Variants in SHF observed in about 807,000 individuals in gnomAD.
SHF encodes Src homology 2 domain containing F.
A neutral mutation model predicts 42.4 loss-of-function variants in SHF; 30 were observed. The ratio of observed to expected loss-of-function variants is 0.71; its 90% CI spans 0.53 to 0.96. SHF has a LOEUF of 0.96. Among genes scored for constraint, SHF ranks in the 40% least tolerant of loss-of-function variants. SHF has a pLI of 0.00. For missense variants in SHF, 598 were observed against 634.0 expected, an observed-to-expected ratio of 0.94 and a Z score of 0.61; for synonymous variants, 264 against 269.9, an observed-to-expected ratio of 0.98 and a Z score of 0.21.
intron 3 of SHF, among the ~76,000 whole-genome samples, chr15:45,174,778 C>G (rs1210150326): frequency 6.6e-6 from 1 of 152,126 alleles, no homozygotes; most frequent in South Asian, 2.1e-4. Context: ...ACCCCTGGTC[C>G]GCCAGGGCCT....
At chr15:45,178,026 C>G in intron 2 of SHF, 139 bp downstream of exon 2, 2 of 1,179,112 alleles carry the variant, frequency 1.7e-6, no homozygotes, top group Non-Finnish European at 2.3e-6. Flanking sequence ...AGGCAATGAC[C>G]ATCCTCCCTA....
intron 3 of SHF, among the ~76,000 whole-genome samples, 188 bp downstream of exon 3, chr15:45,175,031 T>G (rs1897723672): frequency 6.6e-6 from 1 of 152,148 alleles, no homozygotes; most frequent in Non-Finnish European, 1.5e-5. Context: ...TACCCATTCC[T>G]TGACCCTGCA....
rs1322283992 is a variant in SHF, at chr15:45,187,806, T to C, written c.146A>G (p.Lys49Arg). The C allele has an allele frequency of 8.1e-6, 7 of 867,204 alleles. No homozygotes were observed. The East Asian group carries it at 1.5e-4, about 19-fold the overall frequency. 53.7% of individuals were successfully genotyped at this position (867,204 alleles called of 1,614,324 possible). ...GAAGCCCAGGTGCTCCCGGAGCCAC[T>C]TGGCTACTCCGCCGCTGCCGCCCCC... ...PGGGGSGGVA[K>R]WLREHLGFRG... The change falls in exon 1 of 7, where the codon AAG becomes AGG. Residue 49 changes from lysine to arginine, a missense_variant. Coordinates refer to ENST00000690270, the MANE Select transcript of SHF (RefSeq NM_001394037.1).
intron 2 of SHF, among the ~76,000 whole-genome samples, chr15:45,197,869 T>A (rs1898915624): frequency 1.3e-5 from 2 of 151,726 alleles, no homozygotes; most frequent in Non-Finnish European, 2.9e-5. Context: ...CGAGGGCATG[T>A]TTGCGTTTTA....
At chr15:45,199,953 C>CAAAAA (rs56982094) in intron 1 of SHF, 4 of 59,520 alleles carry the variant, frequency 6.7e-5, no homozygotes, top group East Asian at 1.5e-3. Context: ...GGCTCCATCT[C>CAAAAA]AAAAAAAAAA....
At chr15:45,173,780 T>C in intron 3 of SHF, 64 bp from the exon 4 acceptor site, 3 of 1,520,430 alleles carry the variant, frequency 2.0e-6, no homozygotes, top group South Asian at 1.2e-5. Flanking sequence ...GAGGTAGAGG[T>C]TGAGACACCA....
upstream of SHF, among the ~76,000 whole-genome samples, chr15:45,189,344 T>TC (rs1898634691): frequency 6.7e-6 from 1 of 148,788 alleles, no homozygotes. Flanking sequence ...CCACCCCCTT[T>TC]CCCCCACTGC....
chr15:45,198,614 C>G (rs1198671134), intron 2 of SHF: 14 of 861,370 alleles, frequency 1.6e-5, no homozygotes, highest in Admixed American at 3.0e-5. Context: ...AATGCCGTGA[C>G]TCGGATTCGA....
chr15:45,168,202 A>C, intron 6 of SHF, 69 bp from the exon 7 acceptor site: 1 of 1,386,694 alleles, frequency 7.2e-7, no homozygotes, highest in South Asian at 1.6e-5. Flanking sequence ...CCACCCAGTA[A>C]CCCTCCCCAA....
chr15:45,167,766 C>A lies in SHF; in HGVS notation c.*181G>T. On this transcript the variant is annotated 3_prime_UTR_variant, in exon 7 of 7. Coordinates refer to ENST00000690270, the MANE Select transcript of SHF (RefSeq NM_001394037.1). ...CCTCTTTCCCCAGCTCCAGACAACC[C>A]CTTACTCCAAGGCCCCAGGAGCCCT... is the stretch of plus-strand genomic sequence containing the variant. 1 of 496,352 alleles carries A rather than the reference C, an allele frequency of 2.0e-6. No individual in the cohort carries two copies. The highest frequency in any genetic ancestry group is 3.3e-6 in the Non-Finnish European group (1 of 302,508). The allele number at this position is 496,352 out of a possible 1,614,324, so 30.7% of individuals were successfully genotyped here.
chr15:45,192,517 G>A (rs1463848191), upstream of SHF, among the ~76,000 whole-genome samples: 2 of 151,786 alleles, frequency 1.3e-5, no homozygotes, highest in Non-Finnish European at 2.9e-5. Flanking sequence ...ACAGGCACCC[G>A]CCACCATGCC....
intron 1 of SHF, among the ~76,000 whole-genome samples, chr15:45,179,455 A>C (rs1898004175): frequency 7.1e-6 from 1 of 141,200 alleles, no homozygotes; most frequent in African/African-American, 2.7e-5. Flanking sequence ...TTGGCCCTTC[A>C]CTTCCTACGC....
At chr15:45,198,651 G>A in intron 2 of SHF, 1 of 1,282,730 alleles carries the variant, frequency 7.8e-7, no homozygotes, top group Non-Finnish European at 1.1e-6. Context: ...CCACAACGCA[G>A]AGTACTAACC....
intron 2 of SHF, among the ~76,000 whole-genome samples, chr15:45,175,968 G>A (rs560812137): frequency 3.3e-5 from 5 of 151,852 alleles, no homozygotes; most frequent in Admixed American, 2.0e-4. Flanking sequence ...ACAGACATCC[G>A]CCATCATGCC....
chr15:45,194,601 C>A (rs1254593971), intron 2 of SHF, among the ~76,000 whole-genome samples: 2 of 152,140 alleles, frequency 1.3e-5, no homozygotes, highest in African/African-American at 2.4e-5. Context: ...ATTCACCCAC[C>A]TCAGCCTCCC....
intron 3 of SHF, among the ~76,000 whole-genome samples, chr15:45,174,700 T>G (rs557835559): frequency 2.0e-5 from 3 of 152,254 alleles, no homozygotes; most frequent in Non-Finnish European, 4.4e-5. Flanking sequence ...AAACCTGATC[T>G]TCATTTGGCA....
intron 6 of SHF, among the ~76,000 whole-genome samples, chr15:45,169,534 G>A (rs922277517): frequency 1.3e-5 from 2 of 152,200 alleles, no homozygotes; most frequent in Non-Finnish European, 2.9e-5. Context: ...TGTGGGTGGT[G>A]GAGAGGGGAG....
At position 45,187,766 on chromosome 15, in the gene SHF, GCCGC is replaced by G; in HGVS notation, c.182_185del (p.Gly61AlafsTer106). On this transcript the variant is annotated frameshift_variant, in exon 1 of 7. Transcript: ENST00000690270. LOFTEE classifies it high-confidence loss of function. Reference sequence around the variant, plus strand: ...GCGCCGGCTTGCTGCCCCCTCCGCCGCCGCCCCCCCCGCGGAAGCCCAGGTGCTC... The same window carrying G: ...GCGCCGGCTTGCTGCCCCCTCCGCCGCCCCCCCGCGGAAGCCCAGGTGCTC... 1 of 933,812 alleles carries G rather than the reference GCCGC, an allele frequency of 1.1e-6. No individual in the cohort carries two copies. The highest frequency in any genetic ancestry group is 1.4e-6 in the Non-Finnish European group (1 of 724,756). The allele number at this position is 933,812 out of a possible 1,614,324, so 57.8% of individuals were successfully genotyped here. A position where few individuals can be genotyped will look rare whatever the true frequency, so the allele number is the denominator to read the frequency against.
At chr15:45,184,020 A>G (rs183463173) in intron 1 of SHF, among the ~76,000 whole-genome samples, 9 of 152,346 alleles carry the variant, frequency 5.9e-5, no homozygotes, top group Admixed American at 4.6e-4. Flanking sequence ...CATCTGCAAC[A>G]TAAGCAGACT....
Sources: allele counts gnomAD v4.1 joint callset (sites outside exome capture counted in the v4.1 genomes callset), GRCh38; gene constraint gnomAD v4.1.1; transcripts MANE v1.5; gene names NCBI Gene and HGNC (gene_info 2026-07-23, HGNC 2026-07-21).